Variants in RIMBP2 observed in about 807,000 individuals in gnomAD.
The protein encoded by RIMBP2 is RIMS binding protein 2.
RIMBP2 carries 48 observed loss-of-function variants against 118.6 expected under a neutral mutation model. The observed-to-expected ratio is 0.40, with a 90% CI of 0.32 to 0.51. The LOEUF is 0.51. RIMBP2 is among the 20% of genes least tolerant of loss of function. The pLI, the probability that RIMBP2 is intolerant of heterozygous loss-of-function variation, is 0.41. For missense variants in RIMBP2, 1,551 were observed against 1,768.3 expected (o/e 0.88, Z 2.20); for synonymous variants, 762 against 742.9 (o/e 1.03, Z -0.42).
At chr12:130,600,686 ACTT>A (rs2059824797) in intron 2 of RIMBP2, among the ~76,000 whole-genome samples, 1 of 152,170 alleles carries the variant, frequency 6.6e-6, no homozygotes, top group African/African-American at 2.4e-5. Context: ...ACTGCCATAA[ACTT>A]CTCCCCTACA....
At chr12:130,641,202 G>A (rs1296524765) in intron 1 of RIMBP2, among the ~76,000 whole-genome samples, 1 of 152,158 alleles carries the variant, frequency 6.6e-6, no homozygotes, top group Non-Finnish European at 1.5e-5. Context: ...GTCCTCTTCT[G>A]TTTGCCATTC....
intron 2 of RIMBP2, among the ~76,000 whole-genome samples, chr12:130,543,601 C>G (rs56125259): frequency 6.6e-6 from 1 of 151,876 alleles, no homozygotes; most frequent in African/African-American, 2.4e-5. Context: ...AGATGCCTCA[C>G]GAGGAATTGG....
intron 17 of RIMBP2, among the ~76,000 whole-genome samples, chr12:130,418,807 A>G (rs143984246): frequency 2.3e-4 from 35 of 152,280 alleles, no homozygotes; most frequent in African/African-American, 7.7e-4. Context: ...ATGATCTGTG[A>G]AAACATCTTT....
intron 2 of RIMBP2, among the ~76,000 whole-genome samples, chr12:130,601,756 G>T (rs1241854706): frequency 6.6e-6 from 1 of 152,218 alleles, no homozygotes; most frequent in African/African-American, 2.4e-5. Context: ...TCAAATGACA[G>T]GAGAATTTGA....
At chr12:130,618,156 C>T (rs1216806320) in intron 2 of RIMBP2, among the ~76,000 whole-genome samples, 1 of 152,030 alleles carries the variant, frequency 6.6e-6, no homozygotes, top group Non-Finnish European at 1.5e-5. Context: ...GTTGCTTGCC[C>T]GTAACTATGC....
intron 4 of RIMBP2, among the ~76,000 whole-genome samples, chr12:130,482,145 C>G (rs545939000): frequency 1.3e-5 from 2 of 152,206 alleles, no homozygotes; most frequent in Non-Finnish European, 2.9e-5. Context: ...TGTGGCTTTG[C>G]TCTGGTGTCA....
intron 17 of RIMBP2, among the ~76,000 whole-genome samples, chr12:130,417,369 A>C (rs1424544266): frequency 6.6e-6 from 1 of 152,242 alleles, no homozygotes; most frequent in Non-Finnish European, 1.5e-5. Flanking sequence ...TTGAATAAAG[A>C]TGTGGTGCGT....
chr12:130,569,126 C>T (rs1471779080), intron 2 of RIMBP2, among the ~76,000 whole-genome samples: 2 of 152,098 alleles, frequency 1.3e-5, no homozygotes, highest in African/African-American at 4.8e-5. Flanking sequence ...CTGGGAACAC[C>T]TACTAGACAG....
chr12:130,442,265 G>C lies in RIMBP2; in HGVS notation c.1087C>G (p.Leu363Val), dbSNP rs2078194713. The stretch of plus-strand genomic sequence containing the variant: ...ATGAGGGCTTTAGTTCTGCTCCCCA[G>C]CGTGAGGTTCATGCGTGTCTCCTTG... ...VDKETRMNLT[L>V]GSRTKALIEK... The change falls in exon 11 of 23, where the codon CTG becomes GTG. Residue 363 changes from leucine to valine, a missense_variant. Leu to Val is a conservative substitution (Grantham distance 32). Around this residue, in one of 5 missense-constraint regions of RIMBP2, gnomAD observed 265 missense variants for 349.5 expected, o/e 0.76. Coordinates refer to ENST00000690449, the MANE Select transcript of RIMBP2 (RefSeq NM_001393629.1). The surrounding 1 kb of genome is among the most constrained non-coding windows in gnomAD (Gnocchi z 6.9). 2 of 1,614,060 alleles carry C rather than the reference G, an allele frequency of 1.2e-6. No individual in the cohort carries two copies. Among genetic ancestry groups the C allele is most frequent in the South Asian group, 2.2e-5 (2 of 91,088 alleles).
intron 4 of RIMBP2, among the ~76,000 whole-genome samples, chr12:130,488,329 A>G (rs1363331840): frequency 6.6e-6 from 1 of 152,094 alleles, no homozygotes; most frequent in African/African-American, 2.4e-5. Flanking sequence ...TGGCGAAAAA[A>G]AAGTTTAAGC....
chr12:130,436,320 T>C (rs2077511157), intron 13 of RIMBP2, among the ~76,000 whole-genome samples: 1 of 152,218 alleles, frequency 6.6e-6, no homozygotes, highest in Non-Finnish European at 1.5e-5. Context: ...TATGTCCGTA[T>C]GCGTTTCTAC....
intron 2 of RIMBP2, among the ~76,000 whole-genome samples, chr12:130,548,221 T>C (rs2055365907): frequency 1.3e-5 from 2 of 152,184 alleles, no homozygotes; most frequent in Admixed American, 6.5e-5. Context: ...ACAGGCATGA[T>C]TCTGAGGCCC....
intron 2 of RIMBP2, among the ~76,000 whole-genome samples, chr12:130,535,754 T>TATAC (rs2054000167): frequency 5.3e-5 from 2 of 37,920 alleles, no homozygotes; most frequent in African/African-American, 7.1e-5. Flanking sequence ...TATATATATA[T>TATAC]ATATATATAT....
At chr12:130,545,335 G>A (rs1245939712) in intron 2 of RIMBP2, among the ~76,000 whole-genome samples, 5 of 152,096 alleles carry the variant, frequency 3.3e-5, no homozygotes, top group East Asian at 1.9e-4. Flanking sequence ...CTCAACCAAC[G>A]TGTGCCCTAC....
chr12:130,644,061 C>A (rs1011616126), intron 1 of RIMBP2, among the ~76,000 whole-genome samples: 1 of 152,216 alleles, frequency 6.6e-6, no homozygotes, highest in Non-Finnish European at 1.5e-5. Flanking sequence ...CAGGCAGCCA[C>A]CCTCCCAAAA....
intron 1 of RIMBP2, among the ~76,000 whole-genome samples, chr12:130,648,108 T>C (rs1241561301): frequency 7.6e-6 from 1 of 131,090 alleles, no homozygotes; most frequent in Non-Finnish European, 1.8e-5. Flanking sequence ...ACCGAGCAGA[T>C]ACATCCCTAG....
chr12:130,590,777 C>T (rs1179103019), intron 2 of RIMBP2, among the ~76,000 whole-genome samples: 1 of 152,208 alleles, frequency 6.6e-6, no homozygotes, highest in African/African-American at 2.4e-5. Flanking sequence ...TTTTTAAAAA[C>T]TGCCAGGAAA....
intron 13 of RIMBP2, among the ~76,000 whole-genome samples, chr12:130,436,532 G>A (rs539455899): frequency 5.3e-5 from 8 of 152,286 alleles, no homozygotes; most frequent in African/African-American, 1.7e-4. Flanking sequence ...AACTTCCACC[G>A]GGCAACTCTC....
chr12:130,441,434 TAA>T (rs2078126465), intron 11 of RIMBP2, among the ~76,000 whole-genome samples: 1 of 144,670 alleles, frequency 6.9e-6, no homozygotes, highest in African/African-American at 2.7e-5. Flanking sequence ...ATAATAATAA[TAA>T]TAATAATAAT....
Sources: allele counts gnomAD v4.1 joint callset (sites outside exome capture counted in the v4.1 genomes callset), GRCh38; gene constraint gnomAD v4.1.1; regional missense constraint gnomAD v4.1.1; non-coding constraint Gnocchi (gnomAD v3.1); transcripts MANE v1.5; gene names NCBI Gene and HGNC (gene_info 2026-07-23, HGNC 2026-07-21).